The following FYN variants were observed in gnomAD, a reference collection of about 807,000 sequenced individuals.
FYN encodes the protein FYN proto-oncogene, Src family tyrosine kinase.
In FYN, 10 loss-of-function variants were observed where a neutral mutation model predicts 70.2. The observed-to-expected ratio is 0.14, with a 90% confidence interval of 0.09 to 0.24. FYN has a LOEUF of 0.24. FYN is among the 10% of genes least tolerant of loss of function. The pLI is 1.00. For missense variants in FYN, 319 were observed against 673.1 expected, an observed-to-expected ratio of 0.47 and a Z score of 5.82; for synonymous variants, 236 against 248.6, an observed-to-expected ratio of 0.95 and a Z score of 0.48.
At chr6:111,865,767 A>C (rs936238384) in intron 1 of FYN, among the ~76,000 whole-genome samples, 1 of 152,246 alleles carries the variant, frequency 6.6e-6, no homozygotes, top group Non-Finnish European at 1.5e-5. Context: ...GAAAAGTCAC[A>C]ATGACATTCT....
intron 12 of FYN, among the ~76,000 whole-genome samples, chr6:111,692,108 C>CCA (rs1554275092): frequency 6.7e-6 from 1 of 149,504 alleles, no homozygotes; most frequent in Admixed American, 6.7e-5. Flanking sequence ...ATTTCCCCCC[C>CCA]CCCCAGTTCA....
intron 2 of FYN, among the ~76,000 whole-genome samples, chr6:111,815,503 G>A (rs1772458783): frequency 6.6e-6 from 1 of 151,860 alleles, no homozygotes; most frequent in Non-Finnish European, 1.5e-5. Flanking sequence ...AAAAATCTAG[G>A]TAACTACTCC....
At chr6:111,720,189 G>C (rs1800865027) in intron 3 of FYN, 127 bp from the exon 4 acceptor site, 1 of 1,083,102 alleles carries the variant, frequency 9.2e-7, no homozygotes, top group Non-Finnish European at 1.3e-6. Flanking sequence ...GGGGGCATGA[G>C]GAAAGGCAGT....
intron 12 of FYN, among the ~76,000 whole-genome samples, chr6:111,683,617 A>G (rs1357216926): frequency 6.6e-6 from 1 of 152,220 alleles, no homozygotes; most frequent in Non-Finnish European, 1.5e-5. Flanking sequence ...TGAACCAAAG[A>G]GCCACCCAGA....
chr6:111,811,327 T>C (rs889123475), intron 2 of FYN, among the ~76,000 whole-genome samples: 1 of 152,226 alleles, frequency 6.6e-6, no homozygotes, highest in Non-Finnish European at 1.5e-5. Context: ...GTTTTAAAGA[T>C]GCCATAATGG....
At chr6:111,750,286 C>A (rs1051074348) in intron 3 of FYN, among the ~76,000 whole-genome samples, 1 of 152,172 alleles carries the variant, frequency 6.6e-6, no homozygotes, top group East Asian at 1.9e-4. Flanking sequence ...GTACTGTCCT[C>A]ATGACAGTGA....
chr6:111,804,473 A>G (rs906501768), intron 2 of FYN, among the ~76,000 whole-genome samples: 5 of 152,168 alleles, frequency 3.3e-5, no homozygotes, highest in South Asian at 2.1e-4. Context: ...CGCAAAACCA[A>G]TGAATTTTTT....
chr6:111,800,829 G>T (rs751112822), intron 2 of FYN, among the ~76,000 whole-genome samples: 4 of 152,190 alleles, frequency 2.6e-5, no homozygotes, highest in Non-Finnish European at 4.4e-5. Context: ...TCAAATGCCA[G>T]ATTACTGATA....
At chr6:111,749,286 T>C (rs1802382371) in intron 3 of FYN, among the ~76,000 whole-genome samples, 1 of 152,166 alleles carries the variant, frequency 6.6e-6, no homozygotes, top group African/African-American at 2.4e-5. Flanking sequence ...TGCCTTTAAG[T>C]CTCTCTGGAG....
At chr6:111,757,987 A>G (rs1422611479) in intron 3 of FYN, among the ~76,000 whole-genome samples, 2 of 152,200 alleles carry the variant, frequency 1.3e-5, no homozygotes, top group Non-Finnish European at 2.9e-5. Flanking sequence ...ATGAGATAAA[A>G]GGGTAGAGAA....
chr6:111,820,823 T>C (rs984971588), intron 2 of FYN, among the ~76,000 whole-genome samples: 2 of 152,154 alleles, frequency 1.3e-5, no homozygotes, highest in African/African-American at 4.8e-5. Context: ...AGCTGGTAGA[T>C]CATAAAACAG....
chr6:111,715,257 T>TTC (rs1342359362), intron 4 of FYN, among the ~76,000 whole-genome samples: 1 of 152,012 alleles, frequency 6.6e-6, no homozygotes, highest in Non-Finnish European at 1.5e-5. Context: ...TTTTTTTTTT[T>TTC]CAAATAGAGA....
chr6:111,713,834 A>G (rs1176404024), intron 5 of FYN, among the ~76,000 whole-genome samples: 1 of 152,132 alleles, frequency 6.6e-6, no homozygotes, highest in African/African-American at 2.4e-5. Context: ...GATTCCAGTC[A>G]CTCCCAAATT....
At chr6:111,754,086 T>C (rs1802603357) in intron 3 of FYN, among the ~76,000 whole-genome samples, 1 of 152,186 alleles carries the variant, frequency 6.6e-6, no homozygotes, top group South Asian at 2.1e-4. Context: ...GCAATGATAA[T>C]AAAATTTTAG....
At chr6:111,687,741 C>T (rs896137176) in intron 12 of FYN, among the ~76,000 whole-genome samples, 1 of 152,146 alleles carries the variant, frequency 6.6e-6, no homozygotes, top group African/African-American at 2.4e-5. Flanking sequence ...ACTATCAGCT[C>T]AGTGTTGGCT....
intron 6 of FYN, 136 bp from the exon 7 acceptor site, chr6:111,704,238 TC>T (rs1244319954): frequency 6.2e-6 from 4 of 647,674 alleles, no homozygotes; most frequent in Non-Finnish European, 1.1e-5. Context: ...GTATTTTTTT[TC>T]TAGCTTAATT....
chr6:111,693,505 A>G (rs1171772578), intron 12 of FYN, among the ~76,000 whole-genome samples: 1 of 152,162 alleles, frequency 6.6e-6, no homozygotes, highest in Non-Finnish European at 1.5e-5. Flanking sequence ...GAAGAAGGAA[A>G]ATATTCCTAA....
At chr6:111,866,847 C>G (rs1774121844) in intron 1 of FYN, among the ~76,000 whole-genome samples, 1 of 152,234 alleles carries the variant, frequency 6.6e-6, no homozygotes, top group Admixed American at 6.5e-5. Flanking sequence ...GTTGTATGTT[C>G]TACAGGCTTT....
intron 10 of FYN, 135 bp downstream of exon 10, chr6:111,696,142 T>A (rs1007629531): frequency 7.0e-6 from 5 of 712,210 alleles, no homozygotes; most frequent in Non-Finnish European, 1.1e-5. Context: ...AACGAGCACA[T>A]AACTGGTGGT....
Sources: gnomAD v4.1 joint callset for allele counts (sites outside exome capture counted in the v4.1 genomes callset) on GRCh38, gnomAD v4.1.1 for gene constraint, MANE v1.5 for transcripts, NCBI Gene and HGNC (gene_info 2026-07-23, HGNC 2026-07-21) for gene names.